Variants in RPTOR observed in about 807,000 individuals in gnomAD.
RPTOR encodes the protein regulatory-associated protein of mTOR.
In RPTOR, 21 loss-of-function variants were observed where a neutral mutation model predicts 169.9. The ratio of observed to expected loss-of-function variants is 0.12; its 90% CI spans 0.09 to 0.18. The LOEUF is 0.18. Ranked by LOEUF, RPTOR falls within the 10% of genes least tolerant of loss-of-function variation. RPTOR has a pLI of 1.00. For missense variants in RPTOR, 1,133 were observed against 1,855.9 expected (o/e 0.61, Z 7.16); for synonymous variants, 732 against 753.2 (o/e 0.97, Z 0.46).
At chr17:80,760,307 CT>C (rs71164001) in intron 6 of RPTOR, among the ~76,000 whole-genome samples, 32 of 116,472 alleles carry the variant, frequency 2.7e-4, no homozygotes, top group Non-Finnish European at 4.2e-4. Context: ...TTTCTTTTTT[CT>C]TTTTTTTTTT....
chr17:80,737,006 C>T (rs974788264), intron 5 of RPTOR, among the ~76,000 whole-genome samples: 6 of 152,190 alleles, frequency 3.9e-5, no homozygotes, highest in African/African-American at 9.6e-5. Context: ...GCAGTAGGGA[C>T]GTGAGCTGAC....
At chr17:80,841,209 TC>T (rs1567942995) in intron 10 of RPTOR, among the ~76,000 whole-genome samples, 5 of 16,784 alleles carry the variant, frequency 3.0e-4, no homozygotes, top group Non-Finnish European at 3.3e-4. Context: ...GGCAGCTCAC[TC>T]TCACCGCACG....
At chr17:80,612,817 G>C (rs2065280567) in intron 1 of RPTOR, among the ~76,000 whole-genome samples, 1 of 152,142 alleles carries the variant, frequency 6.6e-6, no homozygotes, top group Non-Finnish European at 1.5e-5. Context: ...GCAGTGAACC[G>C]TGATCACGCC....
intron 2 of RPTOR, among the ~76,000 whole-genome samples, chr17:80,636,879 C>G (rs55992327): frequency 0.054 from 8,281 of 152,278 alleles, 286 homozygotes; most frequent in Non-Finnish European, 0.082. Context: ...AAGAGGGCTG[C>G]AGTGAACACA....
chr17:80,736,938 C>T (rs2066438270), intron 5 of RPTOR, among the ~76,000 whole-genome samples: 1 of 152,202 alleles, frequency 6.6e-6, no homozygotes, highest in Admixed American at 6.5e-5. Flanking sequence ...ATTTCTCTTT[C>T]AAGCAATGAT....
chr17:80,702,032 C>A (rs1194980410), intron 3 of RPTOR, among the ~76,000 whole-genome samples: 1 of 152,154 alleles, frequency 6.6e-6, no homozygotes, highest in African/African-American at 2.4e-5. Context: ...GGTCTGAAGT[C>A]TGCACTTGTA....
At chr17:80,895,218 C>T (rs1021991434) in intron 20 of RPTOR, among the ~76,000 whole-genome samples, 4 of 152,228 alleles carry the variant, frequency 2.6e-5, no homozygotes, top group African/African-American at 9.6e-5. Flanking sequence ...ACCCGGCCCC[C>T]AGCCTGGGCA....
intron 6 of RPTOR, among the ~76,000 whole-genome samples, chr17:80,773,169 G>A (rs79582496): frequency 0.012 from 1,817 of 152,358 alleles, 25 homozygotes; most frequent in Middle Eastern, 0.078. Flanking sequence ...AGGGCTGCCC[G>A]GGAGCGGCAC....
At chr17:80,952,186 TCA>T (rs2069187522) in intron 28 of RPTOR, among the ~76,000 whole-genome samples, 1 of 152,172 alleles carries the variant, frequency 6.6e-6, no homozygotes, top group Non-Finnish European at 1.5e-5. Context: ...TTCTTGAAAG[TCA>T]CAGTCACCAG....
At chr17:80,904,018 A>G (rs2068509321) in intron 20 of RPTOR, among the ~76,000 whole-genome samples, 1 of 152,228 alleles carries the variant, frequency 6.6e-6, no homozygotes, top group Admixed American at 6.5e-5. Flanking sequence ...GGCCATTATG[A>G]TGTTTGTCTC....
intron 7 of RPTOR, among the ~76,000 whole-genome samples, chr17:80,814,797 C>G (rs1213599053): frequency 6.6e-6 from 1 of 152,196 alleles, no homozygotes; most frequent in Non-Finnish European, 1.5e-5. Flanking sequence ...TTAGACACAG[C>G]CTAGGCAACA....
chr17:80,879,594 C>T (rs1049655081), intron 13 of RPTOR, among the ~76,000 whole-genome samples: 3 of 152,174 alleles, frequency 2.0e-5, no homozygotes, highest in East Asian at 1.9e-4. Flanking sequence ...TCCCTCTCCC[C>T]GCTTTCCAAG....
rs551069168 is a variant in RPTOR at position 80,878,169 on chromosome 17, G to A, written c.1510-2246G>A. On this transcript the variant is annotated intron_variant, in intron 13 of 33. Transcript: ENST00000306801. The surrounding 1 kb of genome is among the most constrained non-coding windows in gnomAD (Gnocchi z 4.1). ...GGAGCATGCTGGGAGCTGGCAGAAC[G>A]CACGCCTCACTCTGTCGATGCAGTG... Among the ~76,000 whole-genome samples the A allele has an allele frequency of 1.3e-5, 2 of 152,164 alleles. No individual in the cohort carries two copies. The highest frequency in any genetic ancestry group is 4.8e-5 in the African/African-American group (2 of 41,430).
intron 21 of RPTOR, among the ~76,000 whole-genome samples, chr17:80,919,177 G>A (rs780712755): frequency 1.3e-5 from 2 of 152,176 alleles, no homozygotes; most frequent in Non-Finnish European, 2.9e-5. Flanking sequence ...ATAATACCTA[G>A]GACTTACTTT....
intron 5 of RPTOR, among the ~76,000 whole-genome samples, chr17:80,753,208 G>T (rs1039124538): frequency 6.6e-6 from 1 of 152,154 alleles, no homozygotes; most frequent in Admixed American, 6.5e-5. Context: ...TCTTTTGATG[G>T]GTCGCTTTAG....
intron 1 of RPTOR, among the ~76,000 whole-genome samples, chr17:80,546,176 T>C (rs1446139940): frequency 6.6e-6 from 1 of 152,206 alleles, no homozygotes; most frequent in East Asian, 1.9e-4. Flanking sequence ...CTTTTTAAAA[T>C]ATCCAAGCTG....
At chr17:80,693,927 A>G (rs975605872) in intron 3 of RPTOR, among the ~76,000 whole-genome samples, 12 of 152,266 alleles carry the variant, frequency 7.9e-5, no homozygotes, top group African/African-American at 2.4e-4. Flanking sequence ...CCACGCAGCC[A>G]GCAGCTCACA....
At position 80,836,168 on chromosome 17, in the gene RPTOR, A is replaced by G. The variant is rs187391817; in HGVS notation, c.1137-1754A>G. 2.0e-5 allele frequency among the ~76,000 whole-genome samples: 3 copies of G among 152,310 alleles called. No individual in the cohort carries two copies. The East Asian group carries it at 5.8e-4, about 29-fold the overall frequency. On this transcript the variant is annotated intron_variant, in intron 9 of 33. Transcript: ENST00000306801. ...CCCTCATCCTCCGGGCGAGGCAGCG[A>G]GGCAGGCAGGTCAGCCGCTCCCTGG...
In RPTOR at chr17:80,936,206, G is replaced by A. The variant is rs767150439; in HGVS notation, c.2920-4290G>A. On this transcript the variant is annotated intron_variant, in intron 24 of 33. Transcript: ENST00000306801. The surrounding 1 kb of genome is among the most constrained non-coding windows in gnomAD (Gnocchi z 4.1). ...TGTCTCGAATCTTAAAATCTACCAA[G>A]TGTTGGCAAGGGACACGGAGCATCT... is the stretch of plus-strand genomic sequence containing the variant. 1.3e-4 allele frequency among the ~76,000 whole-genome samples: 20 copies of A among 152,320 alleles called. No homozygotes were observed. The Middle Eastern group carries it at 0.01, about 78-fold the overall frequency.
Sources: gnomAD v4.1 joint callset for allele counts (sites outside exome capture counted in the v4.1 genomes callset) on GRCh38, gnomAD v4.1.1 for gene constraint, Gnocchi (gnomAD v3.1) non-coding constraint, MANE v1.5 for transcripts, NCBI Gene and HGNC (gene_info 2026-07-23, HGNC 2026-07-21) for gene names.